The following ZMAT4 variants were observed in gnomAD, a reference collection of about 807,000 sequenced individuals.
ZMAT4 encodes the protein zinc finger matrin-type protein 4.
ZMAT4 carries 17 observed loss-of-function variants against 28.7 expected under a neutral mutation model. That is an observed-to-expected ratio of 0.59 (90% CI 0.41 to 0.89). ZMAT4 has a LOEUF of 0.89. Ranked by LOEUF, ZMAT4 falls within the 40% of genes least tolerant of loss-of-function variation. The probability of loss-of-function intolerance (pLI) is 0.00; values close to 1 mark genes in which losing one functional copy is unlikely to be tolerated. For synonymous variants in ZMAT4, 117 were observed against 109.2 expected, an observed-to-expected ratio of 1.07 and a Z score of -0.44; for missense variants, 240 against 283.8, an observed-to-expected ratio of 0.85 and a Z score of 1.11.
intron 2 of ZMAT4, among the ~76,000 whole-genome samples, chr8:40,801,182 T>C (rs1385179818): frequency 2.6e-5 from 4 of 151,316 alleles, no homozygotes; most frequent in Non-Finnish European, 1.5e-5. Flanking sequence ...AAGAAATAGA[T>C]AATGTTAATA....
chr8:40,870,888 C>A (rs1456925958), intron 1 of ZMAT4, among the ~76,000 whole-genome samples: 1 of 152,226 alleles, frequency 6.6e-6, no homozygotes, highest in Non-Finnish European at 1.5e-5. Flanking sequence ...GCTGGAGCCA[C>A]AATGTCAGCA....
At chr8:40,656,031 A>G (rs1189178782) in intron 5 of ZMAT4, among the ~76,000 whole-genome samples, 1 of 152,150 alleles carries the variant, frequency 6.6e-6, no homozygotes, top group Non-Finnish European at 1.5e-5. Context: ...AGAATGAGAG[A>G]CAAAATTGAA....
In ZMAT4 at chr8:40,881,439, GAAAGAA is replaced by G. The variant is rs1563263292; in HGVS notation, c.-5+16238_-5+16243del. Among the ~76,000 whole-genome samples the G allele has an allele frequency of 7.5e-3, 596 of 79,560 alleles. 13 individuals carry two copies. Among genetic ancestry groups the G allele is most frequent in the African/African-American group, 0.024 (552 of 22,708 alleles). 52.2% of individuals were successfully genotyped at this position (79,560 alleles called of 152,430 possible). ...GGAAGAAAAAGAAGAAAGAGAGAAA[GAAAGAA>G]AGAAAGAAAGAAAGAAAGAAAGAAA... On this transcript the variant is annotated intron_variant, in intron 1 of 6. Coordinates refer to ENST00000297737, the MANE Select transcript of ZMAT4 (RefSeq NM_024645.3).
At chr8:40,861,170 T>C (rs1817475674) in intron 1 of ZMAT4, among the ~76,000 whole-genome samples, 1 of 152,238 alleles carries the variant, frequency 6.6e-6, no homozygotes, top group Non-Finnish European at 1.5e-5. Flanking sequence ...TCTCTTTTGT[T>C]TAGCAGCACT....
chr8:40,764,660 G>A (rs911194384), intron 3 of ZMAT4, among the ~76,000 whole-genome samples: 13 of 152,152 alleles, frequency 8.5e-5, no homozygotes, highest in African/African-American at 3.1e-4. Flanking sequence ...ATCTGAGTAG[G>A]AAGTGAGGTG....
intron 1 of ZMAT4, among the ~76,000 whole-genome samples, chr8:40,849,014 C>T (rs997655166): frequency 1.6e-4 from 24 of 152,356 alleles, no homozygotes; most frequent in African/African-American, 5.3e-4. Context: ...TGACAGATGG[C>T]GAGCCATGCG....
At chr8:40,654,655 C>T (rs1207030103) in intron 5 of ZMAT4, among the ~76,000 whole-genome samples, 9 of 151,966 alleles carry the variant, frequency 5.9e-5, no homozygotes, top group Admixed American at 6.6e-5. Flanking sequence ...GTTGGTTTAA[C>T]GTATGAAAAT....
chr8:40,822,280 C>T (rs927302167), intron 2 of ZMAT4, among the ~76,000 whole-genome samples: 2 of 152,200 alleles, frequency 1.3e-5, no homozygotes, highest in African/African-American at 4.8e-5. Context: ...TCAGAATCCC[C>T]TGCAATAACT....
chr8:40,661,885 G>C (rs1808214438), intron 5 of ZMAT4, among the ~76,000 whole-genome samples: 1 of 152,214 alleles, frequency 6.6e-6, no homozygotes, highest in Admixed American at 6.5e-5. Flanking sequence ...AGAGCACTGA[G>C]GAGAAAAATG....
At chr8:40,647,216 G>A (rs554756524) in intron 5 of ZMAT4, among the ~76,000 whole-genome samples, 24 of 152,156 alleles carry the variant, frequency 1.6e-4, no homozygotes, top group Non-Finnish European at 2.1e-4. Flanking sequence ...CAGTGGGTGC[G>A]CCCACCGTGC....
At chr8:40,799,156 T>TGGCTGGAG (rs1259823649) in intron 2 of ZMAT4, among the ~76,000 whole-genome samples, 1 of 89,086 alleles carries the variant, frequency 1.1e-5, no homozygotes, top group Non-Finnish European at 2.3e-5. Context: ...GCTGGCTGGC[T>TGGCTGGAG]GGATGGATGG....
chr8:40,591,352 T>G (rs1277754038), intron 5 of ZMAT4, among the ~76,000 whole-genome samples: 1 of 152,178 alleles, frequency 6.6e-6, no homozygotes, highest in East Asian at 1.9e-4. Flanking sequence ...CATAGGTACC[T>G]CCAGCTCCCA....
At chr8:40,706,113 T>C (rs1810338258) in intron 3 of ZMAT4, among the ~76,000 whole-genome samples, 1 of 152,158 alleles carries the variant, frequency 6.6e-6, no homozygotes, top group African/African-American at 2.4e-5. Context: ...GCAACAGTGA[T>C]GCGATCTCAG....
intron 2 of ZMAT4, among the ~76,000 whole-genome samples, chr8:40,792,473 C>CAGGAAGGAAGGAAGGAAGGAAAGA (rs1563487405): frequency 8.3e-4 from 12 of 14,500 alleles, no homozygotes; most frequent in Admixed American, 1.4e-3. Context: ...GAATAGTATT[C>CAGGAAGGAAGGAAGGAAGGAAAGA]AGGAAGGAAG....
intron 5 of ZMAT4, among the ~76,000 whole-genome samples, chr8:40,665,585 T>C (rs1808378344): frequency 6.6e-6 from 1 of 152,240 alleles, no homozygotes; most frequent in Non-Finnish European, 1.5e-5. Flanking sequence ...TAAAGGTACA[T>C]AATGCGTGTT....
chr8:40,742,348 T>TTA (rs1370970117), intron 3 of ZMAT4, among the ~76,000 whole-genome samples: 1 of 150,444 alleles, frequency 6.6e-6, no homozygotes, highest in Non-Finnish European at 1.5e-5. Flanking sequence ...TATGTGTGGT[T>TTA]TATATATATA....
rs547979974 is a variant in ZMAT4 at position 40,736,771 on chromosome 8, G to C, written c.192+30870C>G. Among the ~76,000 whole-genome samples the C allele has an allele frequency of 2.6e-5, 4 of 151,762 alleles. No homozygotes were observed. The East Asian group carries it at 5.9e-4, about 22-fold the overall frequency. On this transcript the variant is annotated intron_variant, in intron 3 of 6. Coordinates refer to ENST00000297737, the MANE Select transcript of ZMAT4 (RefSeq NM_024645.3). ...TGGCAGTCTGTGAGGATGGGCAGGA[G>C]TGAAGCAAAGCAGGATGTGAAAACC... is the stretch of plus-strand genomic sequence containing the variant.
At chr8:40,670,669 C>T (rs1163754771) in intron 5 of ZMAT4, among the ~76,000 whole-genome samples, 2 of 151,966 alleles carry the variant, frequency 1.3e-5, no homozygotes, top group Non-Finnish European at 2.9e-5. Context: ...AAGCCTTCTA[C>T]CTCATCTCAA....
chr8:40,786,567 A>G (rs979746256), intron 2 of ZMAT4: 13 of 629,122 alleles, frequency 2.1e-5, no homozygotes, highest in Non-Finnish European at 2.8e-5. Flanking sequence ...AGTTATTGCT[A>G]CCAAAACAAA....
Sources: gnomAD v4.1 joint callset for allele counts (sites outside exome capture counted in the v4.1 genomes callset) on GRCh38, gnomAD v4.1.1 for gene constraint, MANE v1.5 for transcripts, NCBI Gene and HGNC (gene_info 2026-07-23, HGNC 2026-07-21) for gene names.